The following RAP1A variants were observed in gnomAD, a reference collection of about 807,000 sequenced individuals.
RAP1A encodes ras-related protein Rap-1A.
A neutral mutation model predicts 26.4 loss-of-function variants in RAP1A; 6 were observed. The observed-to-expected ratio is 0.23, with a 90% CI of 0.12 to 0.45. The LOEUF (loss-of-function observed/expected upper bound fraction) is 0.45. RAP1A is among the 20% of genes least tolerant of loss of function. RAP1A has a pLI of 0.99. For missense variants in RAP1A, 121 were observed against 217.2 expected, an observed-to-expected ratio of 0.56 and a Z score of 2.78; for synonymous variants, 73 against 79.4, an observed-to-expected ratio of 0.92 and a Z score of 0.43.
chr1:111,582,481 T>G (rs1658276500), intron 1 of RAP1A, among the ~76,000 whole-genome samples: 1 of 152,148 alleles, frequency 6.6e-6, no homozygotes. Flanking sequence ...TGGTTTGGGG[T>G]TTAGTAAATC....
chr1:111,620,159 C>T (rs1659145034), intron 1 of RAP1A, among the ~76,000 whole-genome samples: 1 of 152,152 alleles, frequency 6.6e-6, no homozygotes. Context: ...ACCACGCCCG[C>T]GGACCGACCC....
In RAP1A at chr1:111,671,623, T is replaced by C. The variant is rs150442587; in HGVS notation, c.-27-19711T>C. On this transcript the variant is annotated intron_variant, in intron 1 of 7. Coordinates refer to ENST00000369709, the MANE Select transcript of RAP1A (RefSeq NM_002884.4). ...CCGGGTAGCTGGGATTACAGGCACATGCCACCACACGTGGCTAATTTCTGT... is the reference window on the plus strand; with the variant it reads ...CCGGGTAGCTGGGATTACAGGCACACGCCACCACACGTGGCTAATTTCTGT... 7.8e-3 allele frequency among the ~76,000 whole-genome samples: 1,192 copies of C among 152,168 alleles called. 16 individuals carry two copies. The highest frequency in any genetic ancestry group is 0.028 in the African/African-American group (1,147 of 41,508).
chr1:111,648,726 G>C, intron 1 of RAP1A: 1 of 589,650 alleles, frequency 1.7e-6, no homozygotes, highest in Non-Finnish European at 3.2e-6. Context: ...AGCCTCAGCA[G>C]ACTGCGTGGT....
At chr1:111,605,896 A>G (rs553201181) in intron 1 of RAP1A, among the ~76,000 whole-genome samples, 1 of 152,346 alleles carries the variant, frequency 6.6e-6, no homozygotes, top group South Asian at 2.1e-4. Flanking sequence ...CCATTATCTT[A>G]AAAATGAGAA....
chr1:111,603,109 T>C (rs1247288776), intron 1 of RAP1A, among the ~76,000 whole-genome samples: 3 of 152,212 alleles, frequency 2.0e-5, no homozygotes, highest in Non-Finnish European at 4.4e-5. Flanking sequence ...CAGAGGGCTT[T>C]CCTGAGATGA....
intron 1 of RAP1A, among the ~76,000 whole-genome samples, chr1:111,579,343 A>G (rs1384457811): frequency 6.6e-6 from 1 of 152,194 alleles, no homozygotes; most frequent in South Asian, 2.1e-4. Flanking sequence ...TGTTCCTATC[A>G]CCCAGGAAAT....
At chr1:111,610,600 G>A (rs1658910995) in intron 1 of RAP1A, among the ~76,000 whole-genome samples, 1 of 151,028 alleles carries the variant, frequency 6.6e-6, no homozygotes, top group Admixed American at 6.6e-5. Context: ...AGTCACTGAA[G>A]ATGGGGAAGA....
Position 111,699,463 on chromosome 1 carries a change from C to CTTTTTTT in RAP1A, c.183+1976_183+1982dup, listed in dbSNP as rs11435540. Among the ~76,000 whole-genome samples the CTTTTTTT allele has an allele frequency of 1.0e-3, 125 of 124,164 alleles. 2 individuals carry two copies. Among genetic ancestry groups the CTTTTTTT allele is most frequent in the African/African-American group, 2.5e-3 (83 of 32,916 alleles). 81.5% of individuals were successfully genotyped at this position (124,164 alleles called of 152,430 possible). On this transcript the variant is annotated intron_variant, in intron 4 of 7. Coordinates refer to ENST00000369709, the MANE Select transcript of RAP1A (RefSeq NM_002884.4). ...TTTTTCTTTATCCATCTCACTTCCT[C>CTTTTTTT]TTTTTTTTTTTTTTTTGAAACAGGG...
At chr1:111,559,927 AATTTTC>A (rs1469303235) in intron 1 of RAP1A, among the ~76,000 whole-genome samples, 2 of 152,196 alleles carry the variant, frequency 1.3e-5, no homozygotes, top group African/African-American at 2.4e-5. Flanking sequence ...TGAACAGTGG[AATTTTC>A]ACAGTAGGAT....
rs1208897166 is a variant in RAP1A, at chr1:111,713,151, A to C, written c.*750A>C. On this transcript the variant is annotated 3_prime_UTR_variant, in exon 8 of 8. Coordinates refer to ENST00000369709, the MANE Select transcript of RAP1A (RefSeq NM_002884.4). ...TGTTTTTGTTATTGTTTATAGATTA[A>C]AGCGTTTATTTTATAATGACCACAT... The C allele has an allele frequency of 7.2e-5, 11 of 152,580 alleles. No individual in the cohort carries two copies. The allele number at this position is 152,580 out of a possible 1,614,324, so 9.5% of individuals were successfully genotyped here. A position where few individuals can be genotyped will look rare whatever the true frequency, so the allele number is the denominator to read the frequency against.
At chr1:111,542,351 G>T in exon 1 of RAP1A, 1 of 381,400 alleles carries the variant, frequency 2.6e-6, no homozygotes, top group Non-Finnish European at 5.4e-6. Flanking sequence ...CCTTCCACGT[G>T]GGTGAAGGAC....
intron 6 of RAP1A, among the ~76,000 whole-genome samples, chr1:111,704,913 G>T (rs1381573701): frequency 6.6e-6 from 1 of 152,136 alleles, no homozygotes; most frequent in Non-Finnish European, 1.5e-5. Context: ...CACCTTTGGT[G>T]CATGACTCAT....
In RAP1A at chr1:111,624,850, G is replaced by A. The variant is rs371000013; in HGVS notation, c.-28+4916G>A. Among the ~76,000 whole-genome samples, 14 of 152,066 alleles carry A rather than the reference G, an allele frequency of 9.2e-5. No individual in the cohort carries two copies. In the South Asian group the frequency reaches 2.5e-3, roughly 27 times the overall value. ...TGTTTTATGAAATAAACTCCAATCA[G>A]TAGACAAGTTAATGGCTTTTTTAAA... is the stretch of plus-strand genomic sequence containing the variant. On this transcript the variant is annotated intron_variant, in intron 1 of 7. Coordinates refer to ENST00000369709, the MANE Select transcript of RAP1A (RefSeq NM_002884.4).
intron 1 of RAP1A, among the ~76,000 whole-genome samples, chr1:111,652,446 C>A (rs538018904): frequency 1.3e-5 from 2 of 151,920 alleles, no homozygotes; most frequent in Non-Finnish European, 2.9e-5. Context: ...TTTTGTATGG[C>A]CCTCAAGCTA....
Position 111,619,858 on chromosome 1 carries a change from C to T in RAP1A, c.-104C>T, listed in dbSNP as rs1372419730. On this transcript the variant is annotated 5_prime_UTR_variant, in exon 1 of 8. Transcript: ENST00000369709. Reference sequence around the variant, plus strand: ...CGCCGCGCAGAGCCGGAGCAGGAGCCACGGCCGAGAGGAGGGAGGAGGAGG... The same window carrying T: ...CGCCGCGCAGAGCCGGAGCAGGAGCTACGGCCGAGAGGAGGGAGGAGGAGG... The T allele has an allele frequency of 5.0e-6, 2 of 397,480 alleles. No homozygotes were observed. The highest frequency in any genetic ancestry group is 8.8e-6 in the Non-Finnish European group (2 of 226,064). The allele number at this position is 397,480 out of a possible 1,614,324, so 24.6% of individuals were successfully genotyped here. A position where few individuals can be genotyped will look rare whatever the true frequency, so the allele number is the denominator to read the frequency against.
chr1:111,664,951 A>G (rs569410540), intron 1 of RAP1A, among the ~76,000 whole-genome samples: 1 of 152,348 alleles, frequency 6.6e-6, no homozygotes, highest in East Asian at 1.9e-4. Flanking sequence ...AAAGAGAGCA[A>G]CATTTAAAAT....
chr1:111,645,205 A>C (rs1660027151), intron 1 of RAP1A, among the ~76,000 whole-genome samples: 4 of 152,236 alleles, frequency 2.6e-5, no homozygotes, highest in Admixed American at 2.6e-4. Flanking sequence ...GAGTACAGTC[A>C]AGTATGACTT....
At chr1:111,654,714 A>G (rs894537942) in intron 1 of RAP1A, among the ~76,000 whole-genome samples, 1 of 151,594 alleles carries the variant, frequency 6.6e-6, no homozygotes, top group Non-Finnish European at 1.5e-5. Context: ...AAGTTTAAGA[A>G]GTCCAGAGAC....
chr1:111,615,092 T>C (rs538458004), upstream of RAP1A, among the ~76,000 whole-genome samples: 9 of 152,118 alleles, frequency 5.9e-5, no homozygotes, highest in South Asian at 1.0e-3. Context: ...GACTCCTTTG[T>C]AAAAAGTTAG....
Sources: allele counts gnomAD v4.1 joint callset (sites outside exome capture counted in the v4.1 genomes callset), GRCh38; gene constraint gnomAD v4.1.1; transcripts MANE v1.5; gene names NCBI Gene and HGNC (gene_info 2026-07-23, HGNC 2026-07-21).